Variants in PRELP observed in about 807,000 individuals in gnomAD.
PRELP encodes the protein prolargin.
PRELP carries 16 observed loss-of-function variants against 22.8 expected under a neutral mutation model. The ratio of observed to expected loss-of-function variants is 0.70; its 90% confidence interval spans 0.47 to 1.06. The LOEUF (loss-of-function observed/expected upper bound fraction) is 1.06. PRELP is among the 50% of genes least tolerant of loss of function. The probability of loss-of-function intolerance (pLI) is 0.00; values close to 1 mark genes in which losing one functional copy is unlikely to be tolerated. For synonymous variants in PRELP, 233 were observed against 211.4 expected (o/e 1.10, Z -0.89); for missense variants, 434 against 485.2 (o/e 0.89, Z 0.99).
In PRELP at chr1:203,487,101, A is replaced by G. The variant is rs1661107065; in HGVS notation, c.*220A>G. 1 of 524,390 alleles carries G rather than the reference A, an allele frequency of 1.9e-6. No homozygotes were observed. 32.5% of individuals were successfully genotyped at this position (524,390 alleles called of 1,614,324 possible). ...CACCCAGTTGAAAGACACCCAGTGC[A>G]CACCCAAACTCCTGGCCTTCTGTGG... On this transcript the variant is annotated 3_prime_UTR_variant, in exon 3 of 3. Coordinates refer to ENST00000343110, the MANE Select transcript of PRELP (RefSeq NM_002725.4).
intron 1 of PRELP, among the ~76,000 whole-genome samples, chr1:203,478,630 C>T (rs1660949911): frequency 6.6e-6 from 1 of 152,108 alleles, no homozygotes; most frequent in Non-Finnish European, 1.5e-5. Context: ...TCCCATTTTA[C>T]AGATAAGAAA....
At position 203,486,779 on chromosome 1, in the gene PRELP, G is replaced by A. The variant is rs144034577; in HGVS notation, c.1047G>A (p.Val349=). 5 of 1,614,000 alleles carry A rather than the reference G, an allele frequency of 3.1e-6. No homozygotes were observed. Among genetic ancestry groups the A allele is most frequent in the African/African-American group, 1.3e-5 (1 of 74,916 alleles). ...FHDFSSDLEN[V]PHLRYLRLDG... ...ACTTCTCCTCGGACCTGGAGAACGTGCCACACCTGCGCTACCTGCGGCTGG... is the reference window on the plus strand; with the variant it reads ...ACTTCTCCTCGGACCTGGAGAACGTACCACACCTGCGCTACCTGCGGCTGG... The change falls in exon 3 of 3, where the codon GTG becomes GTA. Residue 349 remains valine, a synonymous_variant. Coordinates refer to ENST00000343110, the MANE Select transcript of PRELP (RefSeq NM_002725.4).
At chr1:203,479,706 C>CAAAAAAA (rs397844598) in intron 1 of PRELP, among the ~76,000 whole-genome samples, 4 of 52,516 alleles carry the variant, frequency 7.6e-5, no homozygotes, top group Non-Finnish European at 1.4e-4. Flanking sequence ...CCTGTATCAC[C>CAAAAAAA]AAAAAAAAAA....
intron 2 of PRELP, among the ~76,000 whole-genome samples, chr1:203,485,086 G>A (rs1020518898): frequency 5.3e-5 from 8 of 151,366 alleles, no homozygotes; most frequent in African/African-American, 1.5e-4. Flanking sequence ...TGTCTCTACC[G>A]ACACCAACAA....
chr1:203,482,891 T>C (rs1661028488), intron 1 of PRELP, among the ~76,000 whole-genome samples: 2 of 152,046 alleles, frequency 1.3e-5, no homozygotes, highest in Non-Finnish European at 2.9e-5. Context: ...CCACCGCACC[T>C]GGCCACCAAT....
chr1:203,478,852 G>C (rs1660953475), intron 1 of PRELP, among the ~76,000 whole-genome samples: 1 of 151,990 alleles, frequency 6.6e-6, no homozygotes, highest in Non-Finnish European at 1.5e-5. Context: ...CCCTAATGGG[G>C]GCCTTGAAAG....
Position 203,486,980 on chromosome 1 carries a change from C to G in PRELP, c.*99C>G. The G allele has an allele frequency of 7.6e-7, 1 of 1,321,620 alleles. No homozygotes were observed. The highest frequency in any genetic ancestry group is 1.0e-6 in the Non-Finnish European group (1 of 982,620). The allele number at this position is 1,321,620 out of a possible 1,614,324, so 81.9% of individuals were successfully genotyped here. A position where few individuals can be genotyped will look rare whatever the true frequency, so the allele number is the denominator to read the frequency against. On this transcript the variant is annotated 3_prime_UTR_variant, in exon 3 of 3. Coordinates refer to ENST00000343110, the MANE Select transcript of PRELP (RefSeq NM_002725.4). ...TTTTCTCTCTCTCCCTTTCTTTCTC[C>G]CAGCTTTGCCTCCCTTATCCCACCC...
At position 203,489,550 on chromosome 1, in the gene PRELP, T is replaced by G. The variant is rs943783257; in HGVS notation, c.*2669T>G. On this transcript the variant is annotated 3_prime_UTR_variant, in exon 3 of 3. Transcript: ENST00000343110. ...CTTCTGTCTTGAAGACCCTGTTAAC[T>G]TTGTGAAATAACTTCCACATTTCAA... 3 of 152,276 alleles carry G rather than the reference T, an allele frequency of 2.0e-5. No homozygotes were observed. Among genetic ancestry groups the G allele is most frequent in the Non-Finnish European group, 2.9e-5 (2 of 68,048 alleles). 9.4% of individuals were successfully genotyped at this position (152,276 alleles called of 1,614,324 possible).
chr1:203,482,878 G>A (rs546683945), intron 1 of PRELP, among the ~76,000 whole-genome samples: 5 of 152,070 alleles, frequency 3.3e-5, no homozygotes, highest in African/African-American at 9.7e-5. Context: ...TTACAGGTGT[G>A]AGCCACCGCA....
At chr1:203,480,213 G>C (rs1660976986) in intron 1 of PRELP, among the ~76,000 whole-genome samples, 1 of 152,244 alleles carries the variant, frequency 6.6e-6, no homozygotes, top group Admixed American at 6.5e-5. Context: ...AGAACTGATG[G>C]TGGAGAGCAG....
At chr1:203,478,008 T>G (rs1660941583) in intron 1 of PRELP, among the ~76,000 whole-genome samples, 1 of 152,162 alleles carries the variant, frequency 6.6e-6, no homozygotes, top group Non-Finnish European at 1.5e-5. Context: ...GATCCCTGCC[T>G]TCGAGCAGTG....
intron 1 of PRELP, among the ~76,000 whole-genome samples, chr1:203,478,764 T>C (rs949998957): frequency 1.4e-4 from 22 of 152,028 alleles, no homozygotes; most frequent in African/African-American, 5.1e-4. Flanking sequence ...CCTTGTATCG[T>C]TTCACCTTCC....
chr1:203,483,685 G>C lies in PRELP; in HGVS notation c.501G>C (p.Ser167=), dbSNP rs2233727. Residue 167 remains serine, a synonymous_variant, in exon 2 of 3, where the codon TCG becomes TCC. Transcript: ENST00000343110. This position sits in a 1 kb window ranked among gnomAD's most constrained non-coding sequence, Gnocchi z 4.4. ...MEKNQLEEVP[S]ALPRNLEQLR... is the part of the protein sequence containing the mutation. ...AGAACCAGTTGGAAGAGGTCCCCTC[G>C]GCCCTGCCCCGGAACCTGGAGCAGC... 9 of 1,614,130 alleles carry C rather than the reference G, an allele frequency of 5.6e-6. No individual in the cohort carries two copies. The highest frequency in any genetic ancestry group is 7.6e-6 in the Non-Finnish European group (9 of 1,180,024).
At chr1:203,485,770 AATG>A (rs1445164229) in intron 2 of PRELP, among the ~76,000 whole-genome samples, 30 of 152,194 alleles carry the variant, frequency 2.0e-4, no homozygotes, top group Admixed American at 1.6e-3. Context: ...CTCCTCCATA[AATG>A]ATAAGTGAGG....
At position 203,489,880 on chromosome 1, in the gene PRELP, C is replaced by T. The variant is rs567995920; in HGVS notation, c.*2999C>T. On this transcript the variant is annotated 3_prime_UTR_variant, in exon 3 of 3. Coordinates refer to ENST00000343110, the MANE Select transcript of PRELP (RefSeq NM_002725.4). ...GCTGAGGCAGGAGAATTGCTTGAAC[C>T]CTGGAGGCAGAAGTTGCAGTGAGCC... 1 of 152,210 alleles carries T rather than the reference C, an allele frequency of 6.6e-6. No homozygotes were observed. The highest frequency in any genetic ancestry group is 6.5e-5 in the Admixed American group (1 of 15,288). The allele number at this position is 152,210 out of a possible 1,614,324, so 9.4% of individuals were successfully genotyped here.
At chr1:203,482,241 C>T (rs1363473212) in intron 1 of PRELP, among the ~76,000 whole-genome samples, 4 of 151,648 alleles carry the variant, frequency 2.6e-5, no homozygotes, top group Non-Finnish European at 5.9e-5. Context: ...CTGACAAGCC[C>T]CAGGACTCCT....
At chr1:203,478,377 G>A (rs1660946676) in intron 1 of PRELP, among the ~76,000 whole-genome samples, 1 of 152,114 alleles carries the variant, frequency 6.6e-6, no homozygotes, top group Non-Finnish European at 1.5e-5. Context: ...GTCTCACCCT[G>A]GTTTCTTCCC....
intron 2 of PRELP, among the ~76,000 whole-genome samples, chr1:203,484,534 T>C (rs2102209966): frequency 6.6e-6 from 1 of 152,366 alleles, no homozygotes; most frequent in African/African-American, 2.4e-5. Flanking sequence ...ACATGGAATA[T>C]ACTCCTGGAC....
intron 1 of PRELP, among the ~76,000 whole-genome samples, chr1:203,482,703 T>C (rs1016560247): frequency 7.7e-5 from 11 of 143,454 alleles, no homozygotes; most frequent in African/African-American, 2.8e-4. Flanking sequence ...GTTCACGCCA[T>C]TCTCCTGCCT....
Sources: allele counts gnomAD v4.1 joint callset (sites outside exome capture counted in the v4.1 genomes callset), GRCh38; gene constraint gnomAD v4.1.1; non-coding constraint Gnocchi (gnomAD v3.1); transcripts MANE v1.5; gene names NCBI Gene and HGNC (gene_info 2026-07-23, HGNC 2026-07-21).